TBC1D9: variants seen among roughly 807,000 people sequenced by gnomAD.
The protein encoded by TBC1D9 is TBC1 domain family member 9A.
A neutral mutation model predicts 132.0 loss-of-function variants in TBC1D9; 63 were observed. The ratio of observed to expected loss-of-function variants is 0.48; its 90% CI spans 0.39 to 0.59. The LOEUF is 0.59. TBC1D9 is among the 20% of genes least tolerant of loss of function. The pLI is 0.00. For missense variants in TBC1D9, 1,261 were observed against 1,592.7 expected, an observed-to-expected ratio of 0.79 and a Z score of 3.54; for synonymous variants, 610 against 609.9, an observed-to-expected ratio of 1.00 and a Z score of 0.00.
intron 2 of TBC1D9, among the ~76,000 whole-genome samples, chr4:140,687,631 C>T (rs79684833): frequency 0.021 from 3,192 of 151,620 alleles, 114 homozygotes; most frequent in African/African-American, 0.073. Context: ...TGTGGCAGAA[C>T]TAAAATCGCT....
chr4:140,747,735 T>TA lies in TBC1D9; in HGVS notation c.130+8180_130+8181insT, dbSNP rs149748933. On this transcript the variant is annotated intron_variant, in intron 1 of 20. Transcript: ENST00000442267. ...ATGTGCTTTTAACAGAATCCTGGAC[T>TA]GGGGGGACCAGGATAGGAGTTAGTA... 7.0e-4 allele frequency among the ~76,000 whole-genome samples: 106 copies of TA among 152,218 alleles called. No homozygotes were observed. In the East Asian group the frequency reaches 0.016, roughly 23 times the overall value.
At chr4:140,750,314 C>T (rs1052869443) in intron 1 of TBC1D9, among the ~76,000 whole-genome samples, 3 of 151,504 alleles carry the variant, frequency 2.0e-5, no homozygotes, top group Non-Finnish European at 4.4e-5. Flanking sequence ...AAGGCAAAGA[C>T]AATTTTTAAA....
intron 9 of TBC1D9, among the ~76,000 whole-genome samples, chr4:140,664,723 A>G (rs1422790870): frequency 2.6e-5 from 4 of 152,220 alleles, no homozygotes; most frequent in African/African-American, 9.6e-5. Flanking sequence ...TGGGGGAAAG[A>G]ATAGTATTTT....
intron 16 of TBC1D9, among the ~76,000 whole-genome samples, chr4:140,633,232 C>T (rs1487618655): frequency 2.0e-5 from 3 of 152,222 alleles, no homozygotes; most frequent in Admixed American, 2.0e-4. Flanking sequence ...AAAAATTGTT[C>T]TTACCTCATT....
intron 1 of TBC1D9, among the ~76,000 whole-genome samples, chr4:140,701,909 C>A (rs17006369): frequency 0.011 from 1,642 of 152,294 alleles, 35 homozygotes; most frequent in African/African-American, 0.038. Context: ...CAATTCAGCT[C>A]AGCAAACACT....
intron 2 of TBC1D9, among the ~76,000 whole-genome samples, chr4:140,691,734 C>A (rs773590731): frequency 6.6e-6 from 1 of 152,190 alleles, no homozygotes; most frequent in Non-Finnish European, 1.5e-5. Context: ...AAAATAAGAA[C>A]AATTATCATT....
At chr4:140,666,875 G>GC (rs1329039394) in intron 9 of TBC1D9, among the ~76,000 whole-genome samples, 1 of 152,142 alleles carries the variant, frequency 6.6e-6, no homozygotes, top group Non-Finnish European at 1.5e-5. Flanking sequence ...GAAAAGTGGA[G>GC]CCCCAAGACC....
intron 1 of TBC1D9, among the ~76,000 whole-genome samples, chr4:140,705,297 C>A (rs763083784): frequency 6.6e-6 from 1 of 152,220 alleles, no homozygotes; most frequent in African/African-American, 2.4e-5. Context: ...CTACTCTACT[C>A]TTCCTCCCAG....
chr4:140,724,561 A>G (rs760010475), intron 1 of TBC1D9, among the ~76,000 whole-genome samples: 5 of 152,154 alleles, frequency 3.3e-5, no homozygotes, highest in Non-Finnish European at 7.3e-5. Flanking sequence ...TCCCAAAGCC[A>G]TGAAAAACCT....
chr4:140,719,472 G>A (rs1457698774), intron 1 of TBC1D9, among the ~76,000 whole-genome samples: 1 of 152,124 alleles, frequency 6.6e-6, no homozygotes, highest in East Asian at 1.9e-4. Context: ...GCTGGGCACT[G>A]GAAGGAAGTG....
chr4:140,630,245 C>A (rs1469969578), intron 16 of TBC1D9, among the ~76,000 whole-genome samples: 2 of 152,058 alleles, frequency 1.3e-5, no homozygotes, highest in African/African-American at 4.8e-5. Flanking sequence ...GTTTAAGGGA[C>A]CTTTACCTGC....
intron 16 of TBC1D9, among the ~76,000 whole-genome samples, chr4:140,631,795 C>A (rs1256901267): frequency 1.3e-5 from 2 of 152,034 alleles, no homozygotes; most frequent in Non-Finnish European, 2.9e-5. Context: ...CAGGGTCTTA[C>A]CACGTTGGCC....
chr4:140,740,197 C>G (rs1738737971), intron 1 of TBC1D9, among the ~76,000 whole-genome samples: 1 of 152,170 alleles, frequency 6.6e-6, no homozygotes. Context: ...CAGGCCTCTT[C>G]CAAATGAATA....
rs1454593863 is a variant in TBC1D9, at chr4:140,628,293, C to T, written c.2812+7G>A. ...GACACAAGTACTGCTCCATGTAGCT[C>T]ACTCACCAGGCAAGACGTGCATTTT... is the stretch of plus-strand genomic sequence containing the variant. On this transcript the variant is annotated splice_region_variant and intron_variant, in intron 17 of 20. Coordinates refer to ENST00000442267, the MANE Select transcript of TBC1D9 (RefSeq NM_015130.3). The T allele has an allele frequency of 8.1e-6, 13 of 1,613,814 alleles. No individual in the cohort carries two copies. The East Asian group carries it at 1.3e-4, about 17-fold the overall frequency.
At chr4:140,664,134 A>C (rs1737408579) in intron 9 of TBC1D9, among the ~76,000 whole-genome samples, 1 of 152,032 alleles carries the variant, frequency 6.6e-6, no homozygotes, top group Admixed American at 6.5e-5. Flanking sequence ...CAATTATAGT[A>C]ATCATTTCAC....
At chr4:140,633,205 C>CATTTTT (rs1736826139) in intron 16 of TBC1D9, among the ~76,000 whole-genome samples, 1 of 152,184 alleles carries the variant, frequency 6.6e-6, no homozygotes, top group Non-Finnish European at 1.5e-5. Context: ...CATAGAGTAG[C>CATTTTT]ACAATTAGAA....
At chr4:140,718,975 T>C (rs1453560198) in intron 1 of TBC1D9, among the ~76,000 whole-genome samples, 1 of 151,926 alleles carries the variant, frequency 6.6e-6, no homozygotes, top group African/African-American at 2.4e-5. Context: ...AAACATTAGC[T>C]GGCTGTGGTG....
At chr4:140,697,431 T>C in intron 2 of TBC1D9, among the ~76,000 whole-genome samples, 1 of 152,096 alleles carries the variant, frequency 6.6e-6, no homozygotes, top group Non-Finnish European at 1.5e-5. Flanking sequence ...AAAAACCACT[T>C]TCACAACGCC....
chr4:140,721,705 C>T (rs745713554), intron 1 of TBC1D9, among the ~76,000 whole-genome samples: 4 of 152,194 alleles, frequency 2.6e-5, no homozygotes, highest in Non-Finnish European at 5.9e-5. Context: ...TTTCAGTATT[C>T]TCCGTAATCC....
Sources: gnomAD v4.1 joint callset for allele counts (sites outside exome capture counted in the v4.1 genomes callset) on GRCh38, gnomAD v4.1.1 for gene constraint, MANE v1.5 for transcripts, NCBI Gene and HGNC (gene_info 2026-07-23, HGNC 2026-07-21) for gene names.